The following MLLT10 variants were observed in gnomAD, a reference collection of about 807,000 sequenced individuals.
MLLT10 encodes MLLT10 histone lysine methyltransferase DOT1L cofactor.
In MLLT10, 30 loss-of-function variants were observed where a neutral mutation model predicts 129.1. The observed-to-expected ratio is 0.23, with a 90% CI of 0.17 to 0.32. The LOEUF (loss-of-function observed/expected upper bound fraction) is 0.32, where lower values mean the gene tolerates loss of function less well. Ranked by LOEUF, MLLT10 falls within the 10% of genes least tolerant of loss-of-function variation. The pLI is 1.00. For missense variants in MLLT10, 1,119 were observed against 1,268.3 expected (o/e 0.88, Z 1.79); for synonymous variants, 490 against 446.4 (o/e 1.10, Z -1.23).
chr10:21,556,947 T>C, intron 3 of MLLT10: 1 of 1,543,968 alleles, frequency 6.5e-7, no homozygotes, highest in Non-Finnish European at 8.7e-7. Flanking sequence ...TGGTAGTGTT[T>C]AAGTGGAATT....
chr10:21,615,655 A>C (rs576685599), intron 7 of MLLT10, among the ~76,000 whole-genome samples: 1 of 151,994 alleles, frequency 6.6e-6, no homozygotes, highest in Admixed American at 6.6e-5. Context: ...ACTATTACCC[A>C]TTTATTTATT....
intron 3 of MLLT10, among the ~76,000 whole-genome samples, chr10:21,563,526 A>G (rs1321920466): frequency 6.6e-6 from 1 of 152,084 alleles, no homozygotes; most frequent in Non-Finnish European, 1.5e-5. Context: ...CTGTCTAAAA[A>G]CAGAACAAAA....
chr10:21,631,199 A>C (rs1430069564), intron 8 of MLLT10, among the ~76,000 whole-genome samples: 1 of 151,730 alleles, frequency 6.6e-6, no homozygotes, highest in Non-Finnish European at 1.5e-5. Flanking sequence ...CTGTAGTCCC[A>C]GCTACTCGGA....
intron 3 of MLLT10, among the ~76,000 whole-genome samples, chr10:21,546,227 G>A (rs1488834212): frequency 1.3e-5 from 2 of 151,208 alleles, no homozygotes. Context: ...ACAGGCATGT[G>A]CCACGATGCT....
intron 2 of MLLT10, among the ~76,000 whole-genome samples, chr10:21,535,559 G>A (rs1186454377): frequency 6.6e-6 from 1 of 152,168 alleles, no homozygotes; most frequent in Non-Finnish European, 1.5e-5. Context: ...GTTTATTTCT[G>A]GTTGTTAACA....
intron 14 of MLLT10, among the ~76,000 whole-genome samples, chr10:21,717,677 T>TCC (rs2056764151): frequency 4.6e-4 from 9 of 19,558 alleles, no homozygotes; most frequent in African/African-American, 1.8e-3. Flanking sequence ...CCTCCTCCTC[T>TCC]TCCTCCTCCT....
intron 8 of MLLT10, among the ~76,000 whole-genome samples, chr10:21,648,320 A>T (rs184317137): frequency 1.3e-5 from 2 of 152,356 alleles, no homozygotes; most frequent in East Asian, 3.9e-4. Flanking sequence ...GATGTATCAC[A>T]GAGGACCAGA....
At chr10:21,579,702 A>G (rs1478462074) in intron 3 of MLLT10, among the ~76,000 whole-genome samples, 2 of 150,506 alleles carry the variant, frequency 1.3e-5, no homozygotes, top group East Asian at 2.0e-4. Flanking sequence ...AGCTGGGACT[A>G]CAGGTGTGTG....
In MLLT10 at chr10:21,595,241, T is replaced by C. The variant is rs1300634750; in HGVS notation, c.296-90T>C. The C allele has an allele frequency of 4.7e-6, 4 of 843,444 alleles. No individual in the cohort carries two copies. In the African/African-American group the frequency reaches 6.7e-5, roughly 14 times the overall value. 52.2% of individuals were successfully genotyped at this position (843,444 alleles called of 1,614,324 possible). ...TGTCCTTGTTGTGCATTTATTTCAA[T>C]AGACATTTAAGGGATCTGTTAAGGA... On this transcript the variant is annotated intron_variant, in intron 4 of 22. Coordinates refer to ENST00000307729, the MANE Select transcript of MLLT10 (RefSeq NM_001195626.3).
At chr10:21,648,673 T>G (rs2131314579) in intron 8 of MLLT10, among the ~76,000 whole-genome samples, 1 of 152,290 alleles carries the variant, frequency 6.6e-6, no homozygotes, top group South Asian at 2.1e-4. Context: ...AATTTGTTAT[T>G]TTGGTGTGTG....
Position 21,742,247 on chromosome 10 carries a change from C to A in MLLT10, c.*264C>A. ...AAAATTTAATAACTTTTTAAAGTGA[C>A]ATAATTTACATGCAATATGTTTATC... On this transcript the variant is annotated 3_prime_UTR_variant, in exon 23 of 23. Transcript: ENST00000307729. 1 of 379,502 alleles carries A rather than the reference C, an allele frequency of 2.6e-6. No individual in the cohort carries two copies. The highest frequency in any genetic ancestry group is 4.7e-6 in the Non-Finnish European group (1 of 213,152). The allele number at this position is 379,502 out of a possible 1,614,324, so 23.5% of individuals were successfully genotyped here.
At chr10:21,635,671 A>G (rs2047384800) in intron 8 of MLLT10, among the ~76,000 whole-genome samples, 1 of 151,194 alleles carries the variant, frequency 6.6e-6, no homozygotes, top group Non-Finnish European at 1.5e-5. Context: ...TATATTTGGG[A>G]TTCAGAAAGG....
rs144097067 is a variant in MLLT10 at position 21,572,257 on chromosome 10, G to A, written c.241-14037G>A. Among the ~76,000 whole-genome samples, 11 of 152,250 alleles carry A rather than the reference G, an allele frequency of 7.2e-5. No homozygotes were observed. The East Asian group carries it at 2.1e-3, about 29-fold the overall frequency. The stretch of plus-strand genomic sequence containing the variant: ...AATCTTTATTCTGCTCCAAAAATCT[G>A]TTTGTCTAGCCCTGTTATTCTGATA... On this transcript the variant is annotated intron_variant, in intron 3 of 22. Coordinates refer to ENST00000307729, the MANE Select transcript of MLLT10 (RefSeq NM_001195626.3).
At chr10:21,630,840 A>G (rs940534861) in intron 8 of MLLT10, among the ~76,000 whole-genome samples, 1 of 152,224 alleles carries the variant, frequency 6.6e-6, no homozygotes, top group African/African-American at 2.4e-5. Context: ...TTTTAGGCAT[A>G]CTGAAGGAGA....
intron 14 of MLLT10, among the ~76,000 whole-genome samples, chr10:21,720,621 G>A (rs1418247142): frequency 2.6e-5 from 4 of 152,130 alleles, no homozygotes; most frequent in South Asian, 4.1e-4. Context: ...GTGCAGCATT[G>A]CTATATTATC....
At chr10:21,706,430 T>G (rs1188742852) in intron 13 of MLLT10, among the ~76,000 whole-genome samples, 1 of 152,216 alleles carries the variant, frequency 6.6e-6, no homozygotes, top group Non-Finnish European at 1.5e-5. Context: ...GTATATGAGG[T>G]TGTGTGAGGT....
At chr10:21,657,152 G>A (rs1778607461) in intron 9 of MLLT10, among the ~76,000 whole-genome samples, 1 of 152,128 alleles carries the variant, frequency 6.6e-6, no homozygotes, top group South Asian at 2.1e-4. Context: ...AGCACTTTGG[G>A]AGGCCAAGGT....
intron 5 of MLLT10, chr10:21,595,710 C>CT (rs2042963069): frequency 3.4e-6 from 1 of 290,196 alleles, no homozygotes; most frequent in East Asian, 5.8e-5. Context: ...CAGATTGGTG[C>CT]TTTATGAATT....
chr10:21,648,706 T>C (rs2048742221), intron 8 of MLLT10, among the ~76,000 whole-genome samples: 1 of 152,194 alleles, frequency 6.6e-6, no homozygotes, highest in South Asian at 2.1e-4. Context: ...TTCATACTGC[T>C]ATGAAGAAAT....
Sources: allele counts gnomAD v4.1 joint callset (sites outside exome capture counted in the v4.1 genomes callset), GRCh38; gene constraint gnomAD v4.1.1; transcripts MANE v1.5; gene names NCBI Gene and HGNC (gene_info 2026-07-23, HGNC 2026-07-21).